INPP4B: variants seen among roughly 807,000 people sequenced by gnomAD.
INPP4B encodes the protein inositol polyphosphate 4-phosphatase type II.
In INPP4B, 55 loss-of-function variants were observed where a neutral mutation model predicts 122.5. That is an observed-to-expected ratio of 0.45 (90% CI 0.36 to 0.56). The LOEUF is 0.56. INPP4B is among the 20% of genes least tolerant of loss of function. The probability of loss-of-function intolerance (pLI) is 0.00; values close to 1 mark genes in which losing one functional copy is unlikely to be tolerated. For missense variants in INPP4B, 1,000 were observed against 1,097.7 expected (o/e 0.91, Z 1.26); for synonymous variants, 403 against 388.7 (o/e 1.04, Z -0.43).
At chr4:142,194,230 C>G (rs1344965724) in intron 14 of INPP4B, among the ~76,000 whole-genome samples, 1 of 152,122 alleles carries the variant, frequency 6.6e-6, no homozygotes. Context: ...AAGAATACAA[C>G]ACAAACCAAC....
At chr4:142,294,461 C>T (rs369170477) in intron 9 of INPP4B, among the ~76,000 whole-genome samples, 19 of 151,788 alleles carry the variant, frequency 1.3e-4, no homozygotes, top group African/African-American at 4.1e-4. Flanking sequence ...ATTCCCAGTA[C>T]GAGTAAATTT....
At chr4:142,032,124 T>A (rs1272805472) in intron 25 of INPP4B, among the ~76,000 whole-genome samples, 1 of 152,172 alleles carries the variant, frequency 6.6e-6, no homozygotes, top group South Asian at 2.1e-4. Flanking sequence ...GATGTTCAAA[T>A]TAATTTTTTC....
At chr4:142,067,937 C>A (rs530736774) in intron 25 of INPP4B, among the ~76,000 whole-genome samples, 1 of 152,086 alleles carries the variant, frequency 6.6e-6, no homozygotes, top group African/African-American at 2.4e-5. Flanking sequence ...ACTTCCCCAA[C>A]ATAGCAAGGC....
intron 23 of INPP4B, among the ~76,000 whole-genome samples, chr4:142,104,410 C>T (rs1055149425): frequency 6.6e-6 from 1 of 152,046 alleles, no homozygotes; most frequent in Admixed American, 6.6e-5. Context: ...TCATCAAGCC[C>T]AACAGGAAGA....
chr4:142,068,247 G>A (rs1764796964), intron 25 of INPP4B, among the ~76,000 whole-genome samples: 1 of 152,100 alleles, frequency 6.6e-6, no homozygotes, highest in Non-Finnish European at 1.5e-5. Context: ...CATAAGTGAA[G>A]GAGAAATAAA....
chr4:142,145,697 C>G lies in INPP4B; in HGVS notation c.1720+143G>C, dbSNP rs148393438. ...AATTTGATAAATAGCCTTCCATCAT[C>G]CAAGCCAGAGCAGTGGAAAAGCATG... On this transcript the variant is annotated intron_variant, in intron 18 of 25. Coordinates refer to ENST00000262992, the MANE Select transcript of INPP4B (RefSeq NM_001101669.3). 37 of 729,900 alleles carry G rather than the reference C, an allele frequency of 5.1e-5. No individual in the cohort carries two copies. In the African/African-American group the frequency reaches 6.4e-4, roughly 13 times the overall value. 45.2% of individuals were successfully genotyped at this position (729,900 alleles called of 1,614,324 possible).
At chr4:142,055,860 T>C (rs761970202) in intron 25 of INPP4B, among the ~76,000 whole-genome samples, 2 of 151,946 alleles carry the variant, frequency 1.3e-5, no homozygotes, top group Non-Finnish European at 2.9e-5. Flanking sequence ...GTATTACATT[T>C]ATTGTGTACT....
chr4:142,166,920 A>T (rs977206455), intron 16 of INPP4B, among the ~76,000 whole-genome samples: 2 of 151,872 alleles, frequency 1.3e-5, no homozygotes, highest in African/African-American at 4.8e-5. Flanking sequence ...GAGAAATAGG[A>T]ACACTTTTAT....
chr4:142,734,673 T>G (rs1766573690), intron 1 of INPP4B, among the ~76,000 whole-genome samples: 1 of 151,848 alleles, frequency 6.6e-6, no homozygotes, highest in African/African-American at 2.4e-5. Context: ...CAGATGGAGT[T>G]TCACCCTTGT....
intron 10 of INPP4B, among the ~76,000 whole-genome samples, chr4:142,264,139 T>C (rs1353397319): frequency 6.6e-6 from 1 of 152,126 alleles, no homozygotes; most frequent in Non-Finnish European, 1.5e-5. Flanking sequence ...TAGGGTCGCT[T>C]TGTTGCTCTG....
At chr4:142,602,421 C>T (rs1261194795) in intron 2 of INPP4B, among the ~76,000 whole-genome samples, 1 of 151,976 alleles carries the variant, frequency 6.6e-6, no homozygotes, top group Non-Finnish European at 1.5e-5. Context: ...TTTATGGATT[C>T]AATGCTATTC....
At chr4:142,308,944 C>T (rs1764442198) in intron 8 of INPP4B, among the ~76,000 whole-genome samples, 1 of 152,142 alleles carries the variant, frequency 6.6e-6, no homozygotes, top group East Asian at 1.9e-4. Context: ...TCACCATCTA[C>T]TGCTAAGCAC....
chr4:142,567,378 CACTA>C (rs2150145497), intron 2 of INPP4B, among the ~76,000 whole-genome samples: 1 of 152,198 alleles, frequency 6.6e-6, no homozygotes, highest in South Asian at 2.1e-4. Context: ...TGTCGCTGAT[CACTA>C]ACTACAACTA....
chr4:142,330,303 A>G (rs1281450697), intron 7 of INPP4B, among the ~76,000 whole-genome samples: 1 of 152,218 alleles, frequency 6.6e-6, no homozygotes, highest in Non-Finnish European at 1.5e-5. Context: ...TTTGAGAAGT[A>G]TCTTTCTATC....
chr4:142,139,012 CCTTTCCTAAGT>C (rs1806274843), intron 18 of INPP4B, among the ~76,000 whole-genome samples: 1 of 152,114 alleles, frequency 6.6e-6, no homozygotes, highest in African/African-American at 2.4e-5. Flanking sequence ...ATGTTTACTT[CCTTTCCTAAGT>C]CTTTTATCTT....
At chr4:142,262,242 G>T (rs1486311709) in intron 10 of INPP4B, among the ~76,000 whole-genome samples, 1 of 152,046 alleles carries the variant, frequency 6.6e-6, no homozygotes, top group South Asian at 2.1e-4. Context: ...GCTTACAGGG[G>T]AGTACACGAT....
intron 2 of INPP4B, among the ~76,000 whole-genome samples, chr4:142,639,841 GTCAGTTT>G (rs1749994389): frequency 6.6e-6 from 1 of 152,010 alleles, no homozygotes; most frequent in East Asian, 1.9e-4. Flanking sequence ...ATCATTGCTG[GTCAGTTT>G]TCCAATTAAA....
At chr4:142,531,940 C>T in intron 2 of INPP4B, among the ~76,000 whole-genome samples, 1 of 152,212 alleles carries the variant, frequency 6.6e-6, no homozygotes, top group Middle Eastern at 3.4e-3. Context: ...TCCAATTTCA[C>T]CATGTTAATT....
At position 142,058,085 on chromosome 4, in the gene INPP4B, T is replaced by A. The variant is rs551548270; in HGVS notation, c.2642+23946A>T. On this transcript the variant is annotated intron_variant, in intron 25 of 25. Transcript: ENST00000262992. ...ACCTAATGTGCCATATACTAAAGAA[T>A]CATATGTAAAAATACCATACAAGTC... 5.1e-4 allele frequency among the ~76,000 whole-genome samples: 78 copies of A among 152,194 alleles called. 1 individual carries two copies. The highest frequency in any genetic ancestry group is 1.8e-3 in the African/African-American group (76 of 41,526).
Sources: allele counts gnomAD v4.1 joint callset (sites outside exome capture counted in the v4.1 genomes callset), GRCh38; gene constraint gnomAD v4.1.1; transcripts MANE v1.5; gene names NCBI Gene and HGNC (gene_info 2026-07-23, HGNC 2026-07-21).